Variants in PKP2 observed in about 807,000 individuals in gnomAD.
The protein encoded by PKP2 is plakophilin 2, also known as plakophilin-2.
In PKP2, 73 loss-of-function variants were observed where a neutral mutation model predicts 83.4. The observed-to-expected ratio is 0.88, with a 90% CI of 0.72 to 1.06. The LOEUF is 1.06. Ranked by LOEUF, PKP2 falls within the 50% of genes least tolerant of loss-of-function variation. The pLI, the probability that PKP2 is intolerant of heterozygous loss-of-function variation, is 0.00. For synonymous variants in PKP2, 409 were observed against 430.4 expected, an observed-to-expected ratio of 0.95 and a Z score of 0.62; for missense variants, 966 against 1,065.4, an observed-to-expected ratio of 0.91 and a Z score of 1.30.
chr12:32,881,411 TAAAGAAA>T (rs1565600581), intron 1 of PKP2, among the ~76,000 whole-genome samples: 18 of 152,120 alleles, frequency 1.2e-4, no homozygotes, highest in African/African-American at 4.3e-4. Flanking sequence ...GGACCTTAAA[TAAAGAAA>T]AAAAATTTTT....
intron 11 of PKP2, among the ~76,000 whole-genome samples, chr12:32,795,607 C>A (rs1328140205): frequency 6.6e-6 from 1 of 152,166 alleles, no homozygotes; most frequent in Non-Finnish European, 1.5e-5. Context: ...TCTCGAACTT[C>A]TGACCTCAAG....
intron 1 of PKP2, among the ~76,000 whole-genome samples, chr12:32,895,003 ACAAAT>A (rs1957109181): frequency 6.6e-6 from 1 of 152,206 alleles, no homozygotes; most frequent in Non-Finnish European, 1.5e-5. Context: ...TTAGCATCTA[ACAAAT>A]CCCACTTTGT....
chr12:32,857,390 C>T (rs1956759343), intron 4 of PKP2, among the ~76,000 whole-genome samples: 1 of 151,774 alleles, frequency 6.6e-6, no homozygotes, highest in Non-Finnish European at 1.5e-5. Flanking sequence ...AGTGCTACTG[C>T]ACTCCAGCCT....
At position 32,792,210 on chromosome 12, in the gene PKP2, G is replaced by A. The variant is rs534925569; in HGVS notation, c.*214C>T. On this transcript the variant is annotated 3_prime_UTR_variant, in exon 13 of 13. Coordinates refer to ENST00000340811, the MANE Select transcript of PKP2 (RefSeq NM_001005242.3). ...CTAATAACAAAGACCACTATTTGTCGAGCCTGTGGCCGGTATCTACTGGTG... is the reference window on the plus strand; with the variant it reads ...CTAATAACAAAGACCACTATTTGTCAAGCCTGTGGCCGGTATCTACTGGTG... 4 of 593,358 alleles carry A rather than the reference G, an allele frequency of 6.7e-6. No individual in the cohort carries two copies. The highest frequency in any genetic ancestry group is 5.9e-5 in the South Asian group (3 of 50,760). The allele number at this position is 593,358 out of a possible 1,614,324, so 36.8% of individuals were successfully genotyped here.
At chr12:32,806,796 T>G (rs1306588486) in intron 9 of PKP2, among the ~76,000 whole-genome samples, 1 of 152,106 alleles carries the variant, frequency 6.6e-6, no homozygotes, top group African/African-American at 2.4e-5. Context: ...GTTGTGATGT[T>G]AGGTTGATAC....
intron 6 of PKP2, among the ~76,000 whole-genome samples, chr12:32,832,806 A>C (rs1489280954): frequency 6.6e-6 from 1 of 152,234 alleles, no homozygotes; most frequent in Non-Finnish European, 1.5e-5. Flanking sequence ...ACATCTTACA[A>C]AAAAGAAAAA....
chr12:32,818,493 T>G (rs1956341520), intron 9 of PKP2, among the ~76,000 whole-genome samples: 1 of 152,168 alleles, frequency 6.6e-6, no homozygotes, highest in Admixed American at 6.5e-5. Flanking sequence ...AACCCGAAAC[T>G]TTATTTCAAT....
intron 5 of PKP2, among the ~76,000 whole-genome samples, chr12:32,847,375 G>A (rs898741076): frequency 1.3e-5 from 2 of 152,180 alleles, no homozygotes; most frequent in East Asian, 1.9e-4. Context: ...CCTGGGTGCT[G>A]CACAATCAAC....
chr12:32,794,116 GAA>G (rs906684813), intron 11 of PKP2, among the ~76,000 whole-genome samples: 14 of 152,158 alleles, frequency 9.2e-5, no homozygotes, highest in African/African-American at 3.4e-4. Flanking sequence ...CTTCAAGAGT[GAA>G]AAGTCTTTCT....
intron 5 of PKP2, among the ~76,000 whole-genome samples, chr12:32,842,347 A>G (rs1956601436): frequency 6.6e-6 from 1 of 152,006 alleles, no homozygotes; most frequent in Non-Finnish European, 1.5e-5. Context: ...GGTTCAAGCA[A>G]TGCTCCTGCC....
intron 6 of PKP2, among the ~76,000 whole-genome samples, chr12:32,828,813 T>C (rs970664742): frequency 6.6e-6 from 1 of 152,120 alleles, no homozygotes; most frequent in Non-Finnish European, 1.5e-5. Context: ...ATGGTTAAAG[T>C]AAAAGGCTAC....
intron 1 of PKP2, among the ~76,000 whole-genome samples, chr12:32,891,539 T>C (rs1202104457): frequency 6.6e-6 from 1 of 152,196 alleles, no homozygotes; most frequent in Non-Finnish European, 1.5e-5. Flanking sequence ...AAAGTTGCTA[T>C]CTAAAACTTT....
chr12:32,877,875 C>T lies in PKP2; in HGVS notation c.1005G>A (p.Glu335=), dbSNP rs1956945260. 1.2e-6 allele frequency: 2 copies of T among 1,613,904 alleles called. No homozygotes were observed. The highest frequency in any genetic ancestry group is 1.3e-5 in the African/African-American group (1 of 74,940). ...GCTGGGAGTCAGTGAAAGTGCTTCT[C>T]TCAGTGAGCAGATTCCCACTTCCCC... is the stretch of plus-strand genomic sequence containing the variant. The part of the protein sequence containing the change: ...AAGGSGNLLT[E]RSTFTDSQLG... The change falls in exon 3 of 13, where the codon GAG becomes GAA. Residue 335 remains glutamate, a synonymous_variant. Coordinates refer to ENST00000340811, the MANE Select transcript of PKP2 (RefSeq NM_001005242.3).
At position 32,896,776 on chromosome 12, in the gene PKP2, G is replaced by A; in HGVS notation, c.-45C>T. On this transcript the variant is annotated 5_prime_UTR_variant, in exon 1 of 13. Coordinates refer to ENST00000340811, the MANE Select transcript of PKP2 (RefSeq NM_001005242.3). ...GAGCTGCTCGCCTGCCTCTGGACTC[G>A]CGGGCGAAGCCGCCACGGAGCTGGG... is the stretch of plus-strand genomic sequence containing the variant. 7.4e-6 allele frequency: 8 copies of A among 1,080,486 alleles called. No individual in the cohort carries two copies. The East Asian group carries it at 9.6e-5, about 13-fold the overall frequency. 66.9% of individuals were successfully genotyped at this position (1,080,486 alleles called of 1,614,324 possible). A position where few individuals can be genotyped will look rare whatever the true frequency, so the allele number is the denominator to read the frequency against.
intron 6 of PKP2, among the ~76,000 whole-genome samples, chr12:32,829,941 G>A (rs4931653): frequency 0.55 from 84,291 of 152,046 alleles, 24,658 homozygotes; most frequent in East Asian, 0.76. Flanking sequence ...GATTACAGGC[G>A]TAAACCACTG....
At chr12:32,806,451 T>G (rs1449376998) in intron 9 of PKP2, among the ~76,000 whole-genome samples, 1 of 152,204 alleles carries the variant, frequency 6.6e-6, no homozygotes, top group Non-Finnish European at 1.5e-5. Context: ...GGAAGGTGTA[T>G]GCGTCCAGGA....
Position 32,810,842 on chromosome 12 carries a change from C to T in PKP2, c.2014-8286G>A, listed in dbSNP as rs1956270741. On this transcript the variant is annotated intron_variant, in intron 9 of 12. Coordinates refer to ENST00000340811, the MANE Select transcript of PKP2 (RefSeq NM_001005242.3). ...GACTACAGGCGCCCGCCACTACGCCCGGCTAATTTTTTGTATTTTTAGTAG... is the reference window on the plus strand; with the variant it reads ...GACTACAGGCGCCCGCCACTACGCCTGGCTAATTTTTTGTATTTTTAGTAG... 2.2e-4 allele frequency among the ~76,000 whole-genome samples: 8 copies of T among 36,036 alleles called. 2 individuals carry two copies. In the South Asian group the frequency reaches 5.1e-3, roughly 23 times the overall value. 23.6% of individuals were successfully genotyped at this position (36,036 alleles called of 152,430 possible). A position where few individuals can be genotyped will look rare whatever the true frequency, so the allele number is the denominator to read the frequency against.
At chr12:32,831,233 T>C (rs561593335) in intron 6 of PKP2, among the ~76,000 whole-genome samples, 2 of 152,334 alleles carry the variant, frequency 1.3e-5, no homozygotes, top group South Asian at 4.1e-4. Flanking sequence ...GCTCAATCCA[T>C]ACCTCCAAGA....
intron 1 of PKP2, among the ~76,000 whole-genome samples, chr12:32,895,956 C>G (rs1180281104): frequency 2.0e-5 from 3 of 152,246 alleles, no homozygotes; most frequent in South Asian, 4.1e-4. Flanking sequence ...AGATCCACCA[C>G]TCGCCTCCCA....
Sources: gnomAD v4.1 joint callset for allele counts (sites outside exome capture counted in the v4.1 genomes callset) on GRCh38, gnomAD v4.1.1 for gene constraint, MANE v1.5 for transcripts, NCBI Gene and HGNC (gene_info 2026-07-23, HGNC 2026-07-21) for gene names.